IGDCC4: variants seen among roughly 807,000 people sequenced by gnomAD.
The protein encoded by IGDCC4 is immunoglobulin superfamily DCC subclass member 4, also known as likely ortholog of mouse neighbor of Punc E11.
Under a neutral mutation model 116.6 loss-of-function variants are expected in IGDCC4, and 72 were observed. The ratio of observed to expected loss-of-function variants is 0.62; its 90% CI spans 0.51 to 0.75. The LOEUF (loss-of-function observed/expected upper bound fraction) is 0.75, where lower values mean the gene tolerates loss of function less well. Ranked by LOEUF, IGDCC4 falls within the 30% of genes least tolerant of loss-of-function variation. The pLI is 0.00. For synonymous variants in IGDCC4, 709 were observed against 719.9 expected, an observed-to-expected ratio of 0.98 and a Z score of 0.24; for missense variants, 1,501 against 1,662.4, an observed-to-expected ratio of 0.90 and a Z score of 1.69.
chr15:65,394,413 TC>T lies in IGDCC4; in HGVS notation c.1711del (p.Glu571LysfsTer18). 1 of 1,613,934 alleles carries T rather than the reference TC, an allele frequency of 6.2e-7. No homozygotes were observed. Among genetic ancestry groups the T allele is most frequent in the Non-Finnish European group, 8.5e-7 (1 of 1,179,992 alleles). On this transcript the variant is annotated frameshift_variant, in exon 9 of 20. Transcript: ENST00000352385. LOFTEE classifies it high-confidence loss of function. The part of the protein sequence containing the change: ...KYKIEYGLGK[E>X]DQIFSTEVRG... Reference sequence around the variant, plus strand: ...GCAGCCCACCCACCCCCACTCACCTTCCTTTCCCAAACCGTATTCTATCTTG... The same window carrying T: ...GCAGCCCACCCACCCCCACTCACCTTCTTTCCCAAACCGTATTCTATCTTG...
intron 5 of IGDCC4, 90 bp downstream of exon 5, chr15:65,400,716 C>T (rs942377361): frequency 6.2e-6 from 9 of 1,459,870 alleles, no homozygotes; most frequent in African/African-American, 5.7e-5. Context: ...ACCACTGGGT[C>T]GTCACCCATA....
rs1296358031 is a variant in IGDCC4 at position 65,395,984 on chromosome 15, T to C, written c.1177A>G (p.Thr393Ala). The C allele has an allele frequency of 6.4e-7, 1 of 1,563,632 alleles. No individual in the cohort carries two copies. Among genetic ancestry groups the C allele is most frequent in the East Asian group, 2.4e-5 (1 of 41,400 alleles). Residue 393 changes from threonine (T) to alanine (A), a missense_variant, in exon 7 of 20, where the codon ACA becomes GCA. By Grantham distance (58) the Thr-to-Ala change is moderately conservative. Coordinates refer to ENST00000352385, the MANE Select transcript of IGDCC4 (RefSeq NM_020962.3). ...VQGGGGSLVITQIGLQDAGYY... is the reference protein window; with the variant it reads ...VQGGGGSLVIAQIGLQDAGYY... Reference sequence around the variant, plus strand: ...CCGGCGTCCTGCAGGCCGATCTGTGTGATGACCAGGCTGCCACCGCCGCCC... The same window carrying C: ...CCGGCGTCCTGCAGGCCGATCTGTGCGATGACCAGGCTGCCACCGCCGCCC...
intron 3 of IGDCC4, among the ~76,000 whole-genome samples, chr15:65,403,441 G>A (rs2140221593): frequency 6.6e-6 from 1 of 152,196 alleles, no homozygotes; most frequent in South Asian, 2.1e-4. Context: ...TATACAGTTG[G>A]AATTTTATTT....
At chr15:65,415,819 C>T (rs999981393) in intron 1 of IGDCC4, among the ~76,000 whole-genome samples, 2 of 152,172 alleles carry the variant, frequency 1.3e-5, no homozygotes, top group African/African-American at 4.8e-5. Context: ...CACGTGCCAG[C>T]CCTTCTGTGA....
rs936010155 is a variant in IGDCC4, at chr15:65,395,753, G to C, written c.1408C>G (p.Arg470Gly). Residue 470 changes from arginine (R) to glycine (G), a missense_variant, in exon 7 of 20, where the codon CGG becomes GGG. By Grantham distance (125) the Arg-to-Gly change is moderately radical. Around this residue, in one of 3 missense-constraint regions of IGDCC4, gnomAD observed 898 missense variants for 978.9 expected, o/e 0.92. Transcript: ENST00000352385. ...IGFSLHYQKARGMDNVEYQFA... is the reference protein window; with the variant it reads ...IGFSLHYQKAGGMDNVEYQFA... ...ATCCCGCCCCAGGCCGACGTACCCC[G>C]TGCCTTCTGGTAGTGGAGAGAGAAG... 7.0e-7 allele frequency: 1 copy of C among 1,438,596 alleles called. No individual in the cohort carries two copies. Among genetic ancestry groups the C allele is most frequent in the South Asian group, 1.4e-5 (1 of 70,060 alleles). 89.1% of individuals were successfully genotyped at this position (1,438,596 alleles called of 1,614,324 possible). A position where few individuals can be genotyped will look rare whatever the true frequency, so the allele number is the denominator to read the frequency against.
At chr15:65,394,290 CA>C in intron 9 of IGDCC4, 120 bp downstream of exon 9, 1 of 1,490,362 alleles carries the variant, frequency 6.7e-7, no homozygotes, top group Non-Finnish European at 9.1e-7. Flanking sequence ...CACCCTTCCC[CA>C]ACCCCTACTC....
At position 65,384,236 on chromosome 15, in the gene IGDCC4, C is replaced by T; in HGVS notation, c.3526G>A (p.Gly1176Arg). ...AACTCCCTGTCCAGCCAGGCTGCCCCCTGCCCTGGATCCCCAACACCCGAG... is the reference window on the plus strand; with the variant it reads ...AACTCCCTGTCCAGCCAGGCTGCCCTCTGCCCTGGATCCCCAACACCCGAG... The part of the protein sequence containing the change: ...LISGVGDPGQ[G>R]AAWLDRELGG... Residue 1176 changes from glycine to arginine, a missense_variant, in exon 20 of 20, where the codon GGG (glycine) becomes AGG (arginine). Coordinates refer to ENST00000352385, the MANE Select transcript of IGDCC4 (RefSeq NM_020962.3). The surrounding 1 kb of genome is among the most constrained non-coding windows in gnomAD (Gnocchi z 4.9). 6.2e-7 allele frequency: 1 copy of T among 1,600,072 alleles called. No homozygotes were observed. Among genetic ancestry groups the T allele is most frequent in the South Asian group, 1.1e-5 (1 of 89,920 alleles).
intron 1 of IGDCC4, among the ~76,000 whole-genome samples, chr15:65,419,548 A>T (rs1448373479): frequency 6.6e-6 from 1 of 152,244 alleles, no homozygotes; most frequent in African/African-American, 2.4e-5. Flanking sequence ...AAGATTCATT[A>T]TTAAAAGAAA....
chr15:65,383,958 A>T lies in IGDCC4; in HGVS notation c.*51T>A, dbSNP rs1211818589. On this transcript the variant is annotated 3_prime_UTR_variant, in exon 20 of 20. Coordinates refer to ENST00000352385, the MANE Select transcript of IGDCC4 (RefSeq NM_020962.3). ...GGACATACACGGCCACAGGTATCGCATCCTATGTGATCCATACCTGCCTGC... is the reference window on the plus strand; with the variant it reads ...GGACATACACGGCCACAGGTATCGCTTCCTATGTGATCCATACCTGCCTGC... The T allele has an allele frequency of 2.7e-6, 4 of 1,475,236 alleles. No homozygotes were observed. The South Asian group carries it at 5.5e-5, about 20-fold the overall frequency. The allele number at this position is 1,475,236 out of a possible 1,614,324, so 91.4% of individuals were successfully genotyped here. A position where few individuals can be genotyped will look rare whatever the true frequency, so the allele number is the denominator to read the frequency against.
chr15:65,406,736 G>A (rs775114546), intron 3 of IGDCC4, among the ~76,000 whole-genome samples: 6 of 152,132 alleles, frequency 3.9e-5, no homozygotes, highest in Admixed American at 1.3e-4. Flanking sequence ...CGGGACATGC[G>A]AGCCTAGCTT....
At chr15:65,413,024 A>ATGCGTG (rs2063112200) in intron 1 of IGDCC4, among the ~76,000 whole-genome samples, 1 of 145,966 alleles carries the variant, frequency 6.9e-6, no homozygotes, top group Non-Finnish European at 1.5e-5. Flanking sequence ...GTGTGAGAAA[A>ATGCGTG]TGTGTGTGTG....
chr15:65,422,723 G>A (rs1354020422), intron 1 of IGDCC4, 70 bp downstream of exon 1: 2 of 1,208,466 alleles, frequency 1.7e-6, no homozygotes, highest in Non-Finnish European at 2.1e-6. Context: ...CCCGCAGCCC[G>A]ATGCAGACCA....
chr15:65,409,751 A>G (rs1223902591), intron 3 of IGDCC4, among the ~76,000 whole-genome samples: 1 of 152,244 alleles, frequency 6.6e-6, no homozygotes, highest in African/African-American at 2.4e-5. Flanking sequence ...GAAGTTATGC[A>G]TCTAGAGTGG....
chr15:65,418,085 A>G (rs147068229), intron 1 of IGDCC4, among the ~76,000 whole-genome samples: 10 of 152,326 alleles, frequency 6.6e-5, no homozygotes, highest in African/African-American at 2.2e-4. Context: ...AGAGCCCCCT[A>G]TGCTTTTCCA....
At chr15:65,398,653 C>T (rs1474074303) in intron 5 of IGDCC4, among the ~76,000 whole-genome samples, 4 of 151,168 alleles carry the variant, frequency 2.6e-5, no homozygotes, top group Admixed American at 2.6e-4. Flanking sequence ...CCAAGGTGGG[C>T]GGATCACGAG....
In IGDCC4 at chr15:65,410,270, G is replaced by A. The variant is rs777293264; in HGVS notation, c.471C>T (p.Asn157=). The change falls in exon 3 of 20, where the codon AAC becomes AAT. Residue 157 remains asparagine, a synonymous_variant. Transcript: ENST00000352385. The part of the protein sequence containing the change: ...LHPESQTVEE[N]GTARFECHIE... ...TGTGGCACTCAAAGCGAGCTGTCCC[G>A]TTCTCCTCCACCGTCTGAGACTCCG... 1.4e-5 allele frequency: 23 copies of A among 1,613,906 alleles called. No individual in the cohort carries two copies. Among genetic ancestry groups the A allele is most frequent in the East Asian group, 2.2e-5 (1 of 44,890 alleles).
chr15:65,400,725 TACATCCCCCTG>T, intron 5 of IGDCC4, 70 bp downstream of exon 5: 2 of 1,497,056 alleles, frequency 1.3e-6, no homozygotes, highest in South Asian at 2.6e-5. Context: ...TCGTCACCCA[TACATCCCCCTG>T]ACTTAGGGGC....
At chr15:65,399,571 G>A (rs2062965273) in intron 5 of IGDCC4, among the ~76,000 whole-genome samples, 1 of 150,846 alleles carries the variant, frequency 6.6e-6, no homozygotes, top group African/African-American at 2.4e-5. Flanking sequence ...AAGAAATATT[G>A]ACATTAGAAC....
rs2091491772 is a variant in IGDCC4, at chr15:65,389,422, A to G, written c.2409-11T>C. 6.2e-7 allele frequency: 1 copy of G among 1,614,184 alleles called. No individual in the cohort carries two copies. On this transcript the variant is annotated splice_polypyrimidine_tract_variant and intron_variant, in intron 13 of 19. Transcript: ENST00000352385. Reference sequence around the variant, plus strand: ...ATGTCTTCTCCAGAACTGCTAAGGCAAGAAACGTGACTAGTGCTCTCAGGC... The same window carrying G: ...ATGTCTTCTCCAGAACTGCTAAGGCGAGAAACGTGACTAGTGCTCTCAGGC...
Sources: gnomAD v4.1 joint callset for allele counts (sites outside exome capture counted in the v4.1 genomes callset) on GRCh38, gnomAD v4.1.1 for gene constraint, gnomAD v4.1.1 regional missense constraint, Gnocchi (gnomAD v3.1) non-coding constraint, MANE v1.5 for transcripts, NCBI Gene and HGNC (gene_info 2026-07-23, HGNC 2026-07-21) for gene names.